Variants in PJA2 observed in about 807,000 individuals in gnomAD.
PJA2 encodes the protein E3 ubiquitin-protein ligase Praja-2.
In PJA2, 25 loss-of-function variants were observed where a neutral mutation model predicts 69.3. That is an observed-to-expected ratio of 0.36 (90% CI 0.26 to 0.50). PJA2 has a LOEUF of 0.50. Ranked by LOEUF, PJA2 falls within the 20% of genes least tolerant of loss-of-function variation. The pLI is 0.96. For synonymous variants in PJA2, 308 were observed against 277.8 expected (o/e 1.11, Z -1.08); for missense variants, 809 against 830.2 (o/e 0.97, Z 0.31).
chr5:109,394,908 G>C lies in PJA2; in HGVS notation c.-87-11388C>G, dbSNP rs1747373625. Among the ~76,000 whole-genome samples, 5 of 152,240 alleles carry C rather than the reference G, an allele frequency of 3.3e-5. 1 individual carries two copies. Among genetic ancestry groups the C allele is most frequent in the Middle Eastern group, 3.4e-3 (1 of 294 alleles). ...GCAAATAAAAATGTCTTAACTCTGGGTAGGGGGTGAATAGTAGAAAAGAGG... is the reference window on the plus strand; with the variant it reads ...GCAAATAAAAATGTCTTAACTCTGGCTAGGGGGTGAATAGTAGAAAAGAGG... On this transcript the variant is annotated intron_variant, in intron 1 of 9. Coordinates refer to ENST00000361189, the MANE Select transcript of PJA2 (RefSeq NM_014819.5).
intron 1 of PJA2, among the ~76,000 whole-genome samples, chr5:109,400,109 G>GTGA (rs1410211739): frequency 1.3e-5 from 2 of 151,860 alleles, no homozygotes; most frequent in Non-Finnish European, 2.9e-5. Context: ...GACCAACATA[G>GTGA]TGATACCCGT....
intron 7 of PJA2, among the ~76,000 whole-genome samples, chr5:109,353,053 G>C (rs1291558677): frequency 7.9e-6 from 1 of 126,736 alleles, no homozygotes; most frequent in East Asian, 2.2e-4. Flanking sequence ...CTATATCATA[G>C]ACATCTATAT....
chr5:109,352,554 A>C (rs1303690275), intron 7 of PJA2, among the ~76,000 whole-genome samples: 1 of 152,106 alleles, frequency 6.6e-6, no homozygotes, highest in Non-Finnish European at 1.5e-5. Context: ...CAAAAATCCT[A>C]ATTGTATCCT....
rs1561345782 is a variant in PJA2 at position 109,354,124 on chromosome 5, G to GAGATGTCTATAGATTAGATATCTATGA, written c.1764+1790_1764+1791insTCATAGATATCTAATCTATAGACATCT. 1.2e-3 allele frequency among the ~76,000 whole-genome samples: 78 copies of GAGATGTCTATAGATTAGATATCTATGA among 65,908 alleles called. 19 individuals are homozygous for GAGATGTCTATAGATTAGATATCTATGA. Among genetic ancestry groups the GAGATGTCTATAGATTAGATATCTATGA allele is most frequent in the African/African-American group, 3.8e-3 (75 of 19,720 alleles). The allele number at this position is 65,908 out of a possible 152,430, so 43.2% of individuals were successfully genotyped here. A position where few individuals can be genotyped will look rare whatever the true frequency, so the allele number is the denominator to read the frequency against. On this transcript the variant is annotated intron_variant, in intron 7 of 9. Transcript: ENST00000361189. The stretch of plus-strand genomic sequence containing the variant: ...GATATCTATAGATTAGATATCTATG[G>GAGATGTCTATAGATTAGATATCTATGA]TATCTAGAGCTGTCTATAGATTAGA...
In PJA2 at chr5:109,336,250, T is replaced by G. The variant is rs1582574000; in HGVS notation, c.*981A>C. 6.6e-6 allele frequency: 1 copy of G among 152,214 alleles called. No individual in the cohort carries two copies. The highest frequency in any genetic ancestry group is 1.5e-5 in the Non-Finnish European group (1 of 68,026). 9.4% of individuals were successfully genotyped at this position (152,214 alleles called of 1,614,324 possible). A position where few individuals can be genotyped will look rare whatever the true frequency, so the allele number is the denominator to read the frequency against. ...TGTAAGTGAACTATTATGTCCATGT[T>G]TGCACATACTCGTCCACTGTGTGTG... On this transcript the variant is annotated 3_prime_UTR_variant, in exon 10 of 10. Transcript: ENST00000361189.
chr5:109,347,289 T>C (rs1762184936), intron 7 of PJA2, among the ~76,000 whole-genome samples: 1 of 152,252 alleles, frequency 6.6e-6, no homozygotes, highest in Admixed American at 6.5e-5. Context: ...TTCCTTTTGT[T>C]AGCTGACATG....
intron 1 of PJA2, among the ~76,000 whole-genome samples, chr5:109,388,268 C>G (rs1465845960): frequency 6.6e-6 from 1 of 152,176 alleles, no homozygotes; most frequent in Non-Finnish European, 1.5e-5. Flanking sequence ...AAACTAAGGT[C>G]TTCCGGCAAC....
At chr5:109,355,776 C>T (rs1361960007) in intron 7 of PJA2, 139 bp downstream of exon 7, 2 of 537,846 alleles carry the variant, frequency 3.7e-6, no homozygotes, top group Non-Finnish European at 6.5e-6. Flanking sequence ...ATACTGGTGA[C>T]AATTATTATT....
intron 6 of PJA2, among the ~76,000 whole-genome samples, chr5:109,356,627 G>A (rs1264846035): frequency 6.6e-6 from 1 of 152,078 alleles, no homozygotes; most frequent in Non-Finnish European, 1.5e-5. Flanking sequence ...CAATCCGCAT[G>A]TAGGTGAGAA....
intron 7 of PJA2, among the ~76,000 whole-genome samples, chr5:109,352,932 C>T (rs1762282230): frequency 1.4e-5 from 2 of 141,352 alleles, no homozygotes; most frequent in African/African-American, 5.3e-5. Flanking sequence ...TCATAGACAT[C>T]TATGTATTAG....
intron 7 of PJA2, among the ~76,000 whole-genome samples, chr5:109,353,806 C>A (rs888771311): frequency 7.6e-6 from 1 of 131,040 alleles, no homozygotes; most frequent in Non-Finnish European, 1.7e-5. Context: ...CTAGAGATAT[C>A]TATAGATTAG....
intron 7 of PJA2, among the ~76,000 whole-genome samples, chr5:109,345,597 TC>T (rs1476586833): frequency 6.6e-6 from 1 of 152,184 alleles, no homozygotes; most frequent in Non-Finnish European, 1.5e-5. Context: ...GGTTACTTTT[TC>T]CAACTATTGG....
intron 4 of PJA2, among the ~76,000 whole-genome samples, chr5:109,375,465 G>C (rs772696277): frequency 6.6e-6 from 1 of 151,976 alleles, no homozygotes; most frequent in Non-Finnish European, 1.5e-5. Context: ...CCGAGATCAC[G>C]CCACTGCACT....
chr5:109,346,369 C>A (rs1479020280), intron 7 of PJA2, among the ~76,000 whole-genome samples: 2 of 152,140 alleles, frequency 1.3e-5, no homozygotes, highest in East Asian at 1.9e-4. Context: ...AAATTAAAAA[C>A]AGAATTATCA....
At chr5:109,353,580 CTA>C (rs1491520220) in intron 7 of PJA2, among the ~76,000 whole-genome samples, 1 of 143,076 alleles carries the variant, frequency 7.0e-6, no homozygotes, top group African/African-American at 2.5e-5. Flanking sequence ...TCATAGACAT[CTA>C]TATATTAGAT....
intron 4 of PJA2, among the ~76,000 whole-genome samples, chr5:109,374,263 T>G (rs1762722374): frequency 1.3e-5 from 2 of 152,186 alleles, no homozygotes; most frequent in Non-Finnish European, 1.5e-5. Flanking sequence ...AACAAACACA[T>G]TTATACCTAA....
At chr5:109,386,020 G>A (rs1168852206) in intron 1 of PJA2, among the ~76,000 whole-genome samples, 1 of 151,668 alleles carries the variant, frequency 6.6e-6, no homozygotes, top group Non-Finnish European at 1.5e-5. Flanking sequence ...CAGTAAAAAT[G>A]TTTCAGATTT....
Position 109,362,864 on chromosome 5 carries a change from C to T in PJA2, c.1628G>A (p.Ser543Asn). The T allele has an allele frequency of 6.2e-7, 1 of 1,610,608 alleles. No homozygotes were observed. The highest frequency in any genetic ancestry group is 8.5e-7 in the Non-Finnish European group (1 of 1,177,600). Residue 543 changes from serine (S) to asparagine (N), a missense_variant, in exon 6 of 10, where the codon AGT becomes AAT. Transcript: ENST00000361189. ...NNNLEDDSSV[S>N]EDLDVDWSLF... ...CCTCCAATCCACATCTAAGTCTTCA[C>T]TCACACTGGAGTCATCCTCCAGGTT... is the stretch of plus-strand genomic sequence containing the variant.
chr5:109,359,808 AG>A (rs1233791728), intron 6 of PJA2, among the ~76,000 whole-genome samples: 1 of 152,252 alleles, frequency 6.6e-6, no homozygotes, highest in Non-Finnish European at 1.5e-5. Context: ...TAAGGTTTGT[AG>A]ATTATATAAT....
Sources: gnomAD v4.1 joint callset for allele counts (sites outside exome capture counted in the v4.1 genomes callset) on GRCh38, gnomAD v4.1.1 for gene constraint, MANE v1.5 for transcripts, NCBI Gene and HGNC (gene_info 2026-07-23, HGNC 2026-07-21) for gene names.